The following CUBN variants were observed in gnomAD, a reference collection of about 807,000 sequenced individuals.
CUBN encodes 460 kDa receptor.
CUBN carries 282 observed loss-of-function variants against 405.3 expected under a neutral mutation model. That is an observed-to-expected ratio of 0.70 (90% CI 0.63 to 0.77). The LOEUF (loss-of-function observed/expected upper bound fraction) is 0.77. Among genes scored for constraint, CUBN ranks in the 30% least tolerant of loss-of-function variants. The probability of loss-of-function intolerance (pLI) is 0.00; values close to 1 mark genes in which losing one functional copy is unlikely to be tolerated. For synonymous variants in CUBN, 1,684 were observed against 1,617.0 expected (o/e 1.04, Z -0.99); for missense variants, 4,514 against 4,475.2 (o/e 1.01, Z -0.25).
At chr10:17,028,226 TTTATTATTATTATTATTA>T (rs57633202) in intron 27 of CUBN, among the ~76,000 whole-genome samples, 1 of 144,180 alleles carries the variant, frequency 6.9e-6, no homozygotes, top group Admixed American at 7.0e-5. Context: ...ACACTAAACA[TTTATTATTATTATTATTA>T]TTATTATTAT....
In CUBN at chr10:17,045,028, G is replaced by A; in HGVS notation, c.3651C>T (p.Asn1217=). Residue 1217 remains asparagine (N), a synonymous_variant, in exon 25 of 67, where the codon AAC becomes AAT. Transcript: ENST00000377833. ...FKDFHLEHHP[N]CTLDYLAVYD... is the part of the protein sequence containing the mutation. ...ATACAGCCAGGTAATCTAAAGTGCAGTTTGGATGATGCTCCAAGTGAAAGT... is the reference window on the plus strand; with the variant it reads ...ATACAGCCAGGTAATCTAAAGTGCAATTTGGATGATGCTCCAAGTGAAAGT... 6.2e-7 allele frequency: 1 copy of A among 1,614,046 alleles called. No individual in the cohort carries two copies. Among genetic ancestry groups the A allele is most frequent in the Non-Finnish European group, 8.5e-7 (1 of 1,179,956 alleles).
Position 16,862,160 on chromosome 10 carries a change from T to TCTCTCACACACACACA in CUBN, c.9454+7475_9454+7476insTGTGTGTGTGTGAGAG, listed in dbSNP as rs144560387. On this transcript the variant is annotated intron_variant, in intron 59 of 66. Coordinates refer to ENST00000377833, the MANE Select transcript of CUBN (RefSeq NM_001081.4). ...GAGACTCCGTCTCTCTCTCTCTCTCTCACACACACACACACACACACACAC... is the reference window on the plus strand; with the variant it reads ...GAGACTCCGTCTCTCTCTCTCTCTCTCTCTCACACACACACACACACACACACACACACACACACAC... Among the ~76,000 whole-genome samples, 447 of 131,174 alleles carry TCTCTCACACACACACA rather than the reference T, an allele frequency of 3.4e-3. 5 individuals carry two copies. The highest frequency in any genetic ancestry group is 0.014 in the African/African-American group (423 of 30,750). 86.1% of individuals were successfully genotyped at this position (131,174 alleles called of 152,430 possible).
intron 59 of CUBN, among the ~76,000 whole-genome samples, chr10:16,857,999 A>C (rs1839908549): frequency 6.6e-6 from 1 of 152,192 alleles, no homozygotes; most frequent in African/African-American, 2.4e-5. Flanking sequence ...AAATCAATCA[A>C]ATTTTAATAT....
rs141103823 is a variant in CUBN, at chr10:17,064,257, T to C, written c.3139+1251A>G. Among the ~76,000 whole-genome samples, 327 of 152,352 alleles carry C rather than the reference T, an allele frequency of 2.1e-3. 1 individual carries two copies. The highest frequency in any genetic ancestry group is 7.4e-3 in the African/African-American group (308 of 41,578). On this transcript the variant is annotated intron_variant, in intron 22 of 66. Coordinates refer to ENST00000377833, the MANE Select transcript of CUBN (RefSeq NM_001081.4). ...AAATCTAAAGCCATGCTTTTGAACA[T>C]AGAACTTGAACTGCTGCAGAGTTTT...
chr10:17,052,684 C>T (rs985471334), intron 22 of CUBN, among the ~76,000 whole-genome samples: 6 of 139,944 alleles, frequency 4.3e-5, no homozygotes, highest in Admixed American at 1.6e-4. Flanking sequence ...TGCTGAAACC[C>T]GGAAGGTGGA....
chr10:17,045,360 AT>A lies in CUBN; in HGVS notation c.3491-173del, dbSNP rs34487389. Among the ~76,000 whole-genome samples, 23,714 of 133,840 alleles carry A rather than the reference AT, an allele frequency of 0.18. 2,187 individuals carry two copies. The highest frequency in any genetic ancestry group is 0.31 in the African/African-American group (10,889 of 35,698). 87.8% of individuals were successfully genotyped at this position (133,840 alleles called of 152,430 possible). A position where few individuals can be genotyped will look rare whatever the true frequency, so the allele number is the denominator to read the frequency against. ...AAAAATCCAATTTTTATTTTTTTCT[AT>A]TTTTTTTTTTTTTTTTGAGATGGAG... On this transcript the variant is annotated intron_variant, in intron 24 of 66. Coordinates refer to ENST00000377833, the MANE Select transcript of CUBN (RefSeq NM_001081.4).
rs1842255469 is a variant in CUBN at position 16,928,304 on chromosome 10, C to G, written c.6125-1G>C. ...AGCTGCTGGGCCAAGTTATTATCTC[C>G]TACGTTGAAAGAAAGGGAACAACAT... On this transcript the variant is annotated splice_acceptor_variant, in intron 40 of 66. Transcript: ENST00000377833. LOFTEE classifies it high-confidence loss of function. The G allele has an allele frequency of 6.2e-7, 1 of 1,613,570 alleles. No homozygotes were observed. Among genetic ancestry groups the G allele is most frequent in the African/African-American group, 1.3e-5 (1 of 74,850 alleles).
chr10:16,834,598 A>C (rs1216111229), intron 64 of CUBN, among the ~76,000 whole-genome samples: 1 of 152,210 alleles, frequency 6.6e-6, no homozygotes, highest in East Asian at 1.9e-4. Flanking sequence ...TAGGTGAGCT[A>C]TTTAGTATCA....
intron 10 of CUBN, among the ~76,000 whole-genome samples, chr10:17,107,494 C>CTTTT (rs34281338): frequency 2.2e-5 from 2 of 91,804 alleles, no homozygotes; most frequent in African/African-American, 8.2e-5. Flanking sequence ...ATAAGTTGTT[C>CTTTT]TTTTTTTTTT....
intron 64 of CUBN, among the ~76,000 whole-genome samples, chr10:16,832,044 T>G (rs1839016984): frequency 6.6e-6 from 1 of 152,238 alleles, no homozygotes; most frequent in Non-Finnish European, 1.5e-5. Flanking sequence ...GTTGCTTTTT[T>G]GTTTCAACTC....
intron 56 of CUBN, among the ~76,000 whole-genome samples, chr10:16,879,236 G>GT (rs1840601905): frequency 6.6e-6 from 1 of 152,188 alleles, no homozygotes; most frequent in Non-Finnish European, 1.5e-5. Context: ...GACATTGTCA[G>GT]TCTTTTTAAT....
At chr10:16,893,260 T>C (rs1196229625) in intron 54 of CUBN, among the ~76,000 whole-genome samples, 1 of 152,230 alleles carries the variant, frequency 6.6e-6, no homozygotes, top group Non-Finnish European at 1.5e-5. Context: ...AGATATAATA[T>C]GGAGAAATTC....
At position 17,126,990 on chromosome 10, in the gene CUBN, T is replaced by C. The variant is rs1259251871; in HGVS notation, c.349-191A>G. ...TTCCTTCCTATTCCCTCCTATCACA[T>C]AGATTTCTGGGGTTTTTTTAAGTTT... On this transcript the variant is annotated intron_variant, in intron 3 of 66. Transcript: ENST00000377833. 3.3e-5 allele frequency among the ~76,000 whole-genome samples: 5 copies of C among 152,230 alleles called. No individual in the cohort carries two copies. In the East Asian group the frequency reaches 9.7e-4, roughly 29 times the overall value.
At chr10:16,901,946 T>C (rs1433194525) in intron 51 of CUBN, among the ~76,000 whole-genome samples, 1 of 127,956 alleles carries the variant, frequency 7.8e-6, no homozygotes, top group Non-Finnish European at 1.7e-5. Context: ...CCATATATAG[T>C]ATATATATAT....
chr10:17,044,400 C>T (rs1835078485), intron 25 of CUBN, among the ~76,000 whole-genome samples: 1 of 151,064 alleles, frequency 6.6e-6, no homozygotes, highest in African/African-American at 2.4e-5. Flanking sequence ...TATTTATAAA[C>T]TCAGGCCATA....
intron 30 of CUBN, 86 bp downstream of exon 30, chr10:16,984,019 A>G: frequency 7.0e-7 from 1 of 1,423,384 alleles, no homozygotes; most frequent in Non-Finnish European, 9.9e-7. Context: ...ATAAGTGTGT[A>G]GCCTTCATAC....
At chr10:16,928,836 G>A (rs1330839259) in intron 40 of CUBN, among the ~76,000 whole-genome samples, 1 of 151,952 alleles carries the variant, frequency 6.6e-6, no homozygotes. Flanking sequence ...GTCTTTGACA[G>A]TTTCCACCGT....
chr10:16,970,145 G>A lies in CUBN; in HGVS notation c.4695+12339C>T, dbSNP rs181246635. ...CAGTGTCTGGTACATATTTGGCACCGAAGGGGAAAGTAATGAAGGAAACCC... is the reference window on the plus strand; with the variant it reads ...CAGTGTCTGGTACATATTTGGCACCAAAGGGGAAAGTAATGAAGGAAACCC... On this transcript the variant is annotated intron_variant, in intron 31 of 66. Transcript: ENST00000377833. 2.2e-4 allele frequency among the ~76,000 whole-genome samples: 34 copies of A among 152,328 alleles called. No individual in the cohort carries two copies. The East Asian group carries it at 5.4e-3, about 24-fold the overall frequency.
intron 17 of CUBN, among the ~76,000 whole-genome samples, chr10:17,079,339 G>T (rs1835921203): frequency 6.7e-6 from 1 of 149,176 alleles, no homozygotes; most frequent in Non-Finnish European, 1.5e-5. Flanking sequence ...GGATTCAAGT[G>T]ATTCTCCTGC....
Sources: gnomAD v4.1 joint callset for allele counts (sites outside exome capture counted in the v4.1 genomes callset) on GRCh38, gnomAD v4.1.1 for gene constraint, MANE v1.5 for transcripts, NCBI Gene and HGNC (gene_info 2026-07-23, HGNC 2026-07-21) for gene names.